Variants in GLRA1 observed in about 807,000 individuals in gnomAD.
The protein encoded by GLRA1 is glycine receptor alpha 1.
GLRA1 carries 37 observed loss-of-function variants against 48.3 expected under a neutral mutation model. That is an observed-to-expected ratio of 0.77 (90% CI 0.59 to 1.01). The LOEUF is 1.01. Ranked by LOEUF, GLRA1 falls within the 50% of genes least tolerant of loss-of-function variation. GLRA1 has a pLI of 0.00. For missense variants in GLRA1, 427 were observed against 571.0 expected (o/e 0.75, Z 2.57); for synonymous variants, 196 against 210.7 (o/e 0.93, Z 0.60).
intron 1 of GLRA1, among the ~76,000 whole-genome samples, chr5:151,917,650 G>T (rs1754771770): frequency 6.6e-6 from 1 of 152,092 alleles, no homozygotes; most frequent in African/African-American, 2.4e-5. Context: ...TATAAGATCT[G>T]TCCTCTTAAC....
At chr5:151,918,251 G>T (rs1409022079) in intron 1 of GLRA1, among the ~76,000 whole-genome samples, 2 of 152,156 alleles carry the variant, frequency 1.3e-5, no homozygotes, top group African/African-American at 4.8e-5. Context: ...GAATGAATTT[G>T]CTGGCTGGCT....
rs560746951 is a variant in GLRA1 at position 151,840,289 on chromosome 5, G to A, written c.912+11101C>T. ...TTTAAAAGTATTTTTTGTAAAGATGGGATTTCACCATGTTGCTCAGGCTGG... is the reference window on the plus strand; with the variant it reads ...TTTAAAAGTATTTTTTGTAAAGATGAGATTTCACCATGTTGCTCAGGCTGG... On this transcript the variant is annotated intron_variant, in intron 7 of 8. Coordinates refer to ENST00000274576, the MANE Select transcript of GLRA1 (RefSeq NM_000171.4). Among the ~76,000 whole-genome samples, 16 of 152,008 alleles carry A rather than the reference G, an allele frequency of 1.1e-4. No individual in the cohort carries two copies. In the South Asian group the frequency reaches 3.3e-3, roughly 32 times the overall value.
At chr5:151,823,860 C>T (rs1430418184) in intron 8 of GLRA1, among the ~76,000 whole-genome samples, 1 of 152,028 alleles carries the variant, frequency 6.6e-6, no homozygotes, top group African/African-American at 2.4e-5. Context: ...GGTGGTCTTG[C>T]CCTGGTCTGA....
intron 2 of GLRA1, among the ~76,000 whole-genome samples, chr5:151,891,704 C>T (rs1003492366): frequency 2.6e-5 from 4 of 152,128 alleles, no homozygotes; most frequent in Non-Finnish European, 4.4e-5. Flanking sequence ...TGATTTAGAC[C>T]AAAATTTTTC....
chr5:151,874,960 A>G (rs1753587128), intron 3 of GLRA1, among the ~76,000 whole-genome samples: 1 of 152,074 alleles, frequency 6.6e-6, no homozygotes, highest in Non-Finnish European at 1.5e-5. Context: ...ACCAGTTAGG[A>G]GGCCATTTTG....
intron 1 of GLRA1, among the ~76,000 whole-genome samples, chr5:151,913,169 T>C (rs1231791796): frequency 6.6e-6 from 1 of 152,246 alleles, no homozygotes; most frequent in Admixed American, 6.5e-5. Flanking sequence ...GAAGTGGGAC[T>C]TCGTGTATCT....
chr5:151,918,693 T>C lies in GLRA1; in HGVS notation c.56+5801A>G, dbSNP rs574024327. 8.5e-5 allele frequency among the ~76,000 whole-genome samples: 13 copies of C among 152,352 alleles called. No individual in the cohort carries two copies. The East Asian group carries it at 2.5e-3, about 29-fold the overall frequency. The stretch of plus-strand genomic sequence containing the variant: ...CTGACTTGCATTTCATTCACTCTTC[T>C]GCAACAAATTACAAATCTCAATTTG... On this transcript the variant is annotated intron_variant, in intron 1 of 8. Coordinates refer to ENST00000274576, the MANE Select transcript of GLRA1 (RefSeq NM_000171.4).
rs1346802411 is a variant in GLRA1, at chr5:151,829,043, T to C, written c.937A>G (p.Ile313Val). ...PKVSYVKAIDIWMAVCLLFVF... is the reference protein window; with the variant it reads ...PKVSYVKAIDVWMAVCLLFVF... ...AAGAGCAGGCAAACTGCCATCCAAA[T>C]GTCAATGGCTTTCACATAGGACACC... Residue 313 changes from isoleucine (I) to valine (V), a missense_variant, in exon 8 of 9, where the codon ATT (isoleucine) becomes GTT (valine). Coordinates refer to ENST00000274576, the MANE Select transcript of GLRA1 (RefSeq NM_000171.4). 6.2e-7 allele frequency: 1 copy of C among 1,613,998 alleles called. No homozygotes were observed. Among genetic ancestry groups the C allele is most frequent in the Non-Finnish European group, 8.5e-7 (1 of 1,179,950 alleles).
At chr5:151,826,880 A>T (rs1277262122) in intron 8 of GLRA1, among the ~76,000 whole-genome samples, 1 of 152,198 alleles carries the variant, frequency 6.6e-6, no homozygotes, top group Admixed American at 6.5e-5. Flanking sequence ...TGGTGCTAGT[A>T]AAATATCTTG....
chr5:151,835,005 G>A lies in GLRA1; in HGVS notation c.913-5938C>T, dbSNP rs34507153. On this transcript the variant is annotated intron_variant, in intron 7 of 8. Coordinates refer to ENST00000274576, the MANE Select transcript of GLRA1 (RefSeq NM_000171.4). ...ATTGCGCCACTGCACTCCAGCCTGG[G>A]CGACAGAGCGAGACAACATCTCAAA... 8.7e-3 allele frequency among the ~76,000 whole-genome samples: 1,224 copies of A among 140,418 alleles called. 11 individuals are homozygous for A. Among genetic ancestry groups the A allele is most frequent in the Non-Finnish European group, 0.014 (942 of 66,022 alleles). The allele number at this position is 140,418 out of a possible 152,430, so 92.1% of individuals were successfully genotyped here.
chr5:151,902,257 G>A (rs1484538335), intron 1 of GLRA1, among the ~76,000 whole-genome samples: 1 of 151,996 alleles, frequency 6.6e-6, no homozygotes, highest in Non-Finnish European at 1.5e-5. Context: ...TGAAAGGTAG[G>A]AGGCCTGCTC....
At chr5:151,905,358 A>T (rs2113442771) in intron 1 of GLRA1, among the ~76,000 whole-genome samples, 1 of 152,146 alleles carries the variant, frequency 6.6e-6, no homozygotes, top group South Asian at 2.1e-4. Context: ...TTTTGACTGA[A>T]GATTCTAAAT....
chr5:151,829,464 CA>C (rs1293524601), intron 7 of GLRA1, among the ~76,000 whole-genome samples: 3 of 152,144 alleles, frequency 2.0e-5, no homozygotes, highest in Non-Finnish European at 4.4e-5. Flanking sequence ...TTAATGAGAA[CA>C]CTGGAAAAAA....
chr5:151,832,200 G>A (rs1272715681), intron 7 of GLRA1, among the ~76,000 whole-genome samples: 1 of 152,218 alleles, frequency 6.6e-6, no homozygotes, highest in African/African-American at 2.4e-5. Context: ...GGAAAAGCCA[G>A]CACAAAAAGG....
At chr5:151,849,396 C>G (rs1450776033) in intron 7 of GLRA1, among the ~76,000 whole-genome samples, 6 of 5,892 alleles carry the variant, frequency 1.0e-3, no homozygotes, top group Admixed American at 4.6e-3. Flanking sequence ...CTTTCCTTTC[C>G]TTTCCTTTCC....
intron 1 of GLRA1, among the ~76,000 whole-genome samples, chr5:151,895,074 G>T (rs901339072): frequency 2.0e-5 from 3 of 152,220 alleles, no homozygotes; most frequent in Non-Finnish European, 2.9e-5. Context: ...GATGTGTTAT[G>T]TATACAGATG....
rs556260149 is a variant in GLRA1, at chr5:151,837,816, A to G, written c.913-8749T>C. ...CACACACCAGGGCCTATTGGGTGGTAGGGGGCTAGGGGAGGGATAGCATTA... is the reference window on the plus strand; with the variant it reads ...CACACACCAGGGCCTATTGGGTGGTGGGGGGCTAGGGGAGGGATAGCATTA... On this transcript the variant is annotated intron_variant, in intron 7 of 8. Coordinates refer to ENST00000274576, the MANE Select transcript of GLRA1 (RefSeq NM_000171.4). Among the ~76,000 whole-genome samples, 14 of 152,274 alleles carry G rather than the reference A, an allele frequency of 9.2e-5. No homozygotes were observed. The East Asian group carries it at 1.4e-3, about 15-fold the overall frequency.
At chr5:151,837,269 G>A (rs1763601875) in intron 7 of GLRA1, among the ~76,000 whole-genome samples, 1 of 152,156 alleles carries the variant, frequency 6.6e-6, no homozygotes, top group Non-Finnish European at 1.5e-5. Context: ...GAGATACCAT[G>A]TCATGCCAGT....
At chr5:151,887,814 G>A (rs1753953543) in intron 2 of GLRA1, among the ~76,000 whole-genome samples, 1 of 152,180 alleles carries the variant, frequency 6.6e-6, no homozygotes. Context: ...AAAGAGAAAT[G>A]CAAGACCATG....
Sources: gnomAD v4.1 joint callset for allele counts (sites outside exome capture counted in the v4.1 genomes callset) on GRCh38, gnomAD v4.1.1 for gene constraint, MANE v1.5 for transcripts, NCBI Gene and HGNC (gene_info 2026-07-23, HGNC 2026-07-21) for gene names.